The following PTPRK variants were observed in gnomAD, a reference collection of about 807,000 sequenced individuals.
The protein encoded by PTPRK is protein tyrosine phosphatase receptor type K, also known as receptor-type tyrosine-protein phosphatase kappa.
A neutral mutation model predicts 178.0 loss-of-function variants in PTPRK; 75 were observed. That is an observed-to-expected ratio of 0.42 (90% CI 0.35 to 0.51). The LOEUF (loss-of-function observed/expected upper bound fraction) is 0.51. PTPRK is among the 20% of genes least tolerant of loss of function. The probability of loss-of-function intolerance (pLI) is 0.02; values close to 1 mark genes in which losing one functional copy is unlikely to be tolerated. For synonymous variants in PTPRK, 637 were observed against 620.6 expected, an observed-to-expected ratio of 1.03 and a Z score of -0.39; for missense variants, 1,441 against 1,797.8, an observed-to-expected ratio of 0.80 and a Z score of 3.59.
chr6:127,987,116 C>T (rs1776066785), intron 21 of PTPRK, among the ~76,000 whole-genome samples: 1 of 151,982 alleles, frequency 6.6e-6, no homozygotes, highest in Non-Finnish European at 1.5e-5. Flanking sequence ...ATAGGCCTTG[C>T]TCCCTTTATC....
rs11962559 is a variant in PTPRK at position 128,083,730 on chromosome 6, G to A, written c.1560C>T (p.Ile520=). The A allele has an allele frequency of 5.4e-3, 8,591 of 1,591,572 alleles. 431 individuals carry two copies. The African/African-American group carries it at 0.1, about 19-fold the overall frequency. The change falls in exon 9 of 30, where the codon ATC becomes ATT. Residue 520 remains isoleucine, a synonymous_variant. Coordinates refer to ENST00000368226, the MANE Select transcript of PTPRK (RefSeq NM_002844.4). ...NWKEPLDPNG[I]ITQYEISYSS... is the part of the protein sequence containing the mutation. ...CTCCCAATACCTCATATTGAGTGAT[G>A]ATTCCATTTGGATCCAAAGGTTCTT...
chr6:128,520,267 A>C lies in PTPRK; in HGVS notation c.92T>G (p.Phe31Cys). 1 of 1,598,228 alleles carries C rather than the reference A, an allele frequency of 6.3e-7. No individual in the cohort carries two copies. The highest frequency in any genetic ancestry group is 8.5e-7 in the Non-Finnish European group (1 of 1,172,232). Reference sequence around the variant, plus strand: ...GCCCCCCGGCCACTCACCTGCGGAGAACTGGCCTTGGGCCGATCCCAGGAG... The same window carrying C: ...GCCCCCCGGCCACTCACCTGCGGAGCACTGGCCTTGGGCCGATCCCAGGAG... The part of the protein sequence containing the change: ...WPLLGSAQGQ[F>C]SAGGCTFDDG... The change falls in exon 1 of 30, where the codon TTC (phenylalanine) becomes TGC (cysteine). Residue 31 changes from phenylalanine to cysteine, a missense_variant. Transcript: ENST00000368226.
chr6:128,039,807 C>T (rs796251961), intron 13 of PTPRK, among the ~76,000 whole-genome samples: 3 of 152,206 alleles, frequency 2.0e-5, no homozygotes, highest in African/African-American at 7.2e-5. Context: ...CTCCTACAAC[C>T]CTCTTCTTTG....
At chr6:128,259,942 C>G (rs1423630956) in intron 3 of PTPRK, among the ~76,000 whole-genome samples, 1 of 152,032 alleles carries the variant, frequency 6.6e-6, no homozygotes, top group South Asian at 2.1e-4. Context: ...ACAACATGGA[C>G]GTAATTTCAT....
At chr6:128,199,723 ATT>A (rs1374508414) in intron 6 of PTPRK, among the ~76,000 whole-genome samples, 5 of 152,194 alleles carry the variant, frequency 3.3e-5, no homozygotes, top group Non-Finnish European at 7.3e-5. Flanking sequence ...GAGATTTAAC[ATT>A]TAAAGCCAGC....
chr6:128,515,428 C>A, intron 1 of PTPRK, among the ~76,000 whole-genome samples: 1 of 150,200 alleles, frequency 6.7e-6, no homozygotes, highest in Non-Finnish European at 1.5e-5. Context: ...ATTAAAAAAA[C>A]AAGTCATGTT....
chr6:128,034,392 C>T (rs151325749), intron 13 of PTPRK, among the ~76,000 whole-genome samples: 107 of 152,290 alleles, frequency 7.0e-4, no homozygotes, highest in African/African-American at 2.5e-3. Flanking sequence ...ATACAACTTC[C>T]CTTTGCTAAG....
intron 1 of PTPRK, among the ~76,000 whole-genome samples, chr6:128,441,354 A>C (rs541695409): frequency 6.6e-6 from 1 of 152,160 alleles, no homozygotes; most frequent in Non-Finnish European, 1.5e-5. Context: ...TGGAAACTTT[A>C]GGCAGTTGTG....
chr6:128,520,178 C>T lies in PTPRK; in HGVS notation c.100+81G>A, dbSNP rs1410989763. 2.4e-6 allele frequency: 3 copies of T among 1,258,120 alleles called. No homozygotes were observed. In the African/African-American group the frequency reaches 4.5e-5, roughly 19 times the overall value. The allele number at this position is 1,258,120 out of a possible 1,614,324, so 77.9% of individuals were successfully genotyped here. A position where few individuals can be genotyped will look rare whatever the true frequency, so the allele number is the denominator to read the frequency against. On this transcript the variant is annotated intron_variant, in intron 1 of 29. Transcript: ENST00000368226. ...AGAGAGCTCCCCACGATCCTTGTCCCCAGCCCTAGCGGGGACCTGGCTCAC... is the reference window on the plus strand; with the variant it reads ...AGAGAGCTCCCCACGATCCTTGTCCTCAGCCCTAGCGGGGACCTGGCTCAC...
At chr6:128,290,547 G>C (rs1823216169) in intron 3 of PTPRK, among the ~76,000 whole-genome samples, 1 of 151,942 alleles carries the variant, frequency 6.6e-6, no homozygotes, top group South Asian at 2.1e-4. Flanking sequence ...AAGTACTCCA[G>C]GCATTCATCA....
chr6:127,973,179 G>C, intron 28 of PTPRK, 22 bp from the exon 29 acceptor site: 2 of 1,613,178 alleles, frequency 1.2e-6, no homozygotes, highest in Non-Finnish European at 1.7e-6. Flanking sequence ...GAAAGCAAAG[G>C]CATTTTAGAT....
intron 13 of PTPRK, among the ~76,000 whole-genome samples, chr6:128,037,852 T>C (rs975693949): frequency 5.9e-5 from 9 of 152,214 alleles, no homozygotes; most frequent in African/African-American, 2.2e-4. Flanking sequence ...GTCCCTGTAA[T>C]AGACTCCTTA....
At chr6:128,392,147 G>GA (rs1245410905) in intron 2 of PTPRK, among the ~76,000 whole-genome samples, 7 of 152,204 alleles carry the variant, frequency 4.6e-5, no homozygotes, top group African/African-American at 1.7e-4. Context: ...TGGCTCCTCA[G>GA]AAAAACACTT....
At chr6:128,195,349 G>T (rs547834626) in intron 6 of PTPRK, among the ~76,000 whole-genome samples, 1 of 151,858 alleles carries the variant, frequency 6.6e-6, no homozygotes, top group East Asian at 1.9e-4. Flanking sequence ...ACCAAATAAC[G>T]AAGTCAATAT....
intron 3 of PTPRK, among the ~76,000 whole-genome samples, chr6:128,248,067 G>A (rs971210321): frequency 1.3e-5 from 2 of 152,162 alleles, no homozygotes; most frequent in Non-Finnish European, 1.5e-5. Context: ...TTTCAGTAAC[G>A]AATAAAATAG....
At chr6:128,354,375 C>A (rs914481142) in intron 2 of PTPRK, among the ~76,000 whole-genome samples, 1 of 150,530 alleles carries the variant, frequency 6.6e-6, no homozygotes, top group African/African-American at 2.4e-5. Context: ...GTAGCTGGGA[C>A]TACAGGCATC....
intron 2 of PTPRK, among the ~76,000 whole-genome samples, chr6:128,363,084 A>C (rs970103729): frequency 6.6e-6 from 1 of 152,202 alleles, no homozygotes; most frequent in African/African-American, 2.4e-5. Flanking sequence ...AAATGGTAGA[A>C]TGAGGTAGGA....
chr6:128,392,733 A>C (rs1422700635), intron 2 of PTPRK, among the ~76,000 whole-genome samples: 1 of 113,790 alleles, frequency 8.8e-6, no homozygotes, highest in Non-Finnish European at 1.8e-5. Context: ...GGAATTTGAC[A>C]AGCAAAAGTC....
intron 2 of PTPRK, among the ~76,000 whole-genome samples, chr6:128,382,035 T>A (rs1357576086): frequency 5.3e-5 from 8 of 150,566 alleles, no homozygotes; most frequent in African/African-American, 2.0e-4. Context: ...ATACAAGAAT[T>A]AGCCAGGTGT....
Sources: allele counts gnomAD v4.1 joint callset (sites outside exome capture counted in the v4.1 genomes callset), GRCh38; gene constraint gnomAD v4.1.1; transcripts MANE v1.5; gene names NCBI Gene and HGNC (gene_info 2026-07-23, HGNC 2026-07-21).